DAPP1: variants seen among roughly 807,000 people sequenced by gnomAD.
DAPP1 encodes the protein dual adapter for phosphotyrosine and 3-phosphotyrosine and 3-phosphoinositide.
A neutral mutation model predicts 41.5 loss-of-function variants in DAPP1; 20 were observed. That is an observed-to-expected ratio of 0.48 (90% CI 0.34 to 0.70). DAPP1 has a LOEUF of 0.70. Ranked by LOEUF, DAPP1 falls within the 30% of genes least tolerant of loss-of-function variation. DAPP1 has a pLI of 0.01. For missense variants in DAPP1, 233 were observed against 333.4 expected (o/e 0.70, Z 2.35); for synonymous variants, 113 against 116.2 (o/e 0.97, Z 0.18).
intron 3 of DAPP1, among the ~76,000 whole-genome samples, chr4:99,844,946 A>G (rs1389167936): frequency 6.6e-6 from 1 of 152,278 alleles, no homozygotes; most frequent in African/African-American, 2.4e-5. Flanking sequence ...GTGACAACTT[A>G]GAATTTTTCC....
chr4:99,868,400 C>T lies in DAPP1; in HGVS notation c.*215C>T, dbSNP rs1314959389. 1.8e-6 allele frequency: 1 copy of T among 571,402 alleles called. No individual in the cohort carries two copies. Among genetic ancestry groups the T allele is most frequent in the Non-Finnish European group, 3.1e-6 (1 of 319,714 alleles). The allele number at this position is 571,402 out of a possible 1,614,324, so 35.4% of individuals were successfully genotyped here. A position where few individuals can be genotyped will look rare whatever the true frequency, so the allele number is the denominator to read the frequency against. On this transcript the variant is annotated 3_prime_UTR_variant, in exon 9 of 9. Coordinates refer to ENST00000512369, the MANE Select transcript of DAPP1 (RefSeq NM_014395.3). ...ATCTCCTTGAGAACACTGAAGCAATCACCATTCTGATAGAAAGTGCTTAAA... is the reference window on the plus strand; with the variant it reads ...ATCTCCTTGAGAACACTGAAGCAATTACCATTCTGATAGAAAGTGCTTAAA...
intron 8 of DAPP1, among the ~76,000 whole-genome samples, chr4:99,867,706 T>C (rs551551919): frequency 1.3e-5 from 2 of 152,378 alleles, no homozygotes; most frequent in South Asian, 4.1e-4. Flanking sequence ...AGCATCTTTA[T>C]TGATAATATA....
At chr4:99,871,204 G>A (rs1358872101), downstream of DAPP1, among the ~76,000 whole-genome samples, 3 of 152,114 alleles carry the variant, frequency 2.0e-5, no homozygotes, top group African/African-American at 7.2e-5. Context: ...ACTACTGTAA[G>A]GAGAAGGTCA....
chr4:99,869,178 A>T lies in DAPP1; in HGVS notation c.*993A>T, dbSNP rs1724562173. On this transcript the variant is annotated 3_prime_UTR_variant, in exon 9 of 9. Coordinates refer to ENST00000512369, the MANE Select transcript of DAPP1 (RefSeq NM_014395.3). The stretch of plus-strand genomic sequence containing the variant: ...TTGCTCCCTAAGCACCCTGGGCCTT[A>T]TTAAAGAGCAACTTCTATTTCCAGT... The T allele has an allele frequency of 6.6e-6, 1 of 152,206 alleles. No homozygotes were observed. The highest frequency in any genetic ancestry group is 2.4e-5 in the African/African-American group (1 of 41,456). The allele number at this position is 152,206 out of a possible 1,614,324, so 9.4% of individuals were successfully genotyped here. A position where few individuals can be genotyped will look rare whatever the true frequency, so the allele number is the denominator to read the frequency against.
At chr4:99,829,634 T>C (rs1723053799) in intron 1 of DAPP1, among the ~76,000 whole-genome samples, 1 of 152,244 alleles carries the variant, frequency 6.6e-6, no homozygotes, top group East Asian at 1.9e-4. Flanking sequence ...CAGAGACAAA[T>C]GCATGACCTC....
At chr4:99,817,153 A>C in intron 1 of DAPP1, 139 bp downstream of exon 1, 1 of 576,664 alleles carries the variant, frequency 1.7e-6, no homozygotes, top group Non-Finnish European at 3.0e-6. Flanking sequence ...TTTCCACTTT[A>C]TTCATTTGTA....
At chr4:99,847,197 A>T (rs1723694384) in intron 3 of DAPP1, among the ~76,000 whole-genome samples, 1 of 152,220 alleles carries the variant, frequency 6.6e-6, no homozygotes, top group Admixed American at 6.5e-5. Context: ...CTGATGAATA[A>T]GCACTGACCT....
intron 2 of DAPP1, among the ~76,000 whole-genome samples, chr4:99,837,433 T>C (rs1342211800): frequency 1.3e-5 from 2 of 151,944 alleles, no homozygotes; most frequent in Non-Finnish European, 2.9e-5. Flanking sequence ...TAAGTAGGGG[T>C]CACAGAGGAA....
At chr4:99,866,864 A>C (rs968092739) in intron 8 of DAPP1, among the ~76,000 whole-genome samples, 2 of 139,338 alleles carry the variant, frequency 1.4e-5, no homozygotes, top group Non-Finnish European at 1.5e-5. Flanking sequence ...CTGCCTCTTG[A>C]GTTCAAGTGA....
intron 3 of DAPP1, among the ~76,000 whole-genome samples, chr4:99,851,933 T>C (rs185515534): frequency 6.6e-6 from 1 of 152,194 alleles, no homozygotes; most frequent in Admixed American, 6.5e-5. Context: ...TTTCTCACTC[T>C]TACTCTAATT....
intron 4 of DAPP1, among the ~76,000 whole-genome samples, chr4:99,854,970 A>G (rs1961323): frequency 0.5 from 76,233 of 152,084 alleles, 19,839 homozygotes; most frequent in African/African-American, 0.65. Flanking sequence ...CATCTTACAT[A>G]TTCATTGCAG....
intron 1 of DAPP1, among the ~76,000 whole-genome samples, chr4:99,823,807 T>C (rs1386184909): frequency 6.6e-6 from 1 of 152,086 alleles, no homozygotes; most frequent in Non-Finnish European, 1.5e-5. Flanking sequence ...AGTTTTCAGA[T>C]TGGTGAGTAG....
chr4:99,850,891 A>G (rs1404953176), intron 3 of DAPP1, among the ~76,000 whole-genome samples: 10 of 152,206 alleles, frequency 6.6e-5, no homozygotes, highest in Non-Finnish European at 1.5e-4. Flanking sequence ...CTTCTGAAGG[A>G]AGCATAATTA....
At chr4:99,851,336 A>G (rs976969279) in intron 3 of DAPP1, among the ~76,000 whole-genome samples, 1 of 152,144 alleles carries the variant, frequency 6.6e-6, no homozygotes, top group Non-Finnish European at 1.5e-5. Context: ...AATGCCAATG[A>G]GAGACAGAAA....
intron 3 of DAPP1, among the ~76,000 whole-genome samples, chr4:99,846,182 C>T (rs1390858797): frequency 6.6e-6 from 1 of 152,170 alleles, no homozygotes; most frequent in Non-Finnish European, 1.5e-5. Context: ...CCTAAAGAAT[C>T]AATTTCTTCA....
intron 4 of DAPP1, among the ~76,000 whole-genome samples, chr4:99,858,675 C>T (rs757962658): frequency 1.9e-4 from 29 of 152,276 alleles, no homozygotes; most frequent in African/African-American, 4.8e-4. Context: ...TGTTACCAAA[C>T]GATGACTCTC....
At chr4:99,843,371 G>A (rs1444012928) in intron 3 of DAPP1, among the ~76,000 whole-genome samples, 1 of 152,124 alleles carries the variant, frequency 6.6e-6, no homozygotes, top group East Asian at 1.9e-4. Context: ...GTTGACCTAA[G>A]GGGATTAATG....
At chr4:99,824,774 T>C (rs1722883119) in intron 1 of DAPP1, among the ~76,000 whole-genome samples, 1 of 152,192 alleles carries the variant, frequency 6.6e-6, no homozygotes, top group South Asian at 2.1e-4. Flanking sequence ...CTGATTTTCA[T>C]TCCCTGCCTA....
intron 3 of DAPP1, among the ~76,000 whole-genome samples, chr4:99,847,284 G>C (rs1362192127): frequency 6.6e-6 from 1 of 152,150 alleles, no homozygotes; most frequent in Non-Finnish European, 1.5e-5. Flanking sequence ...CTCTATTTCA[G>C]ATACCAAACC....
Sources: allele counts gnomAD v4.1 joint callset (sites outside exome capture counted in the v4.1 genomes callset), GRCh38; gene constraint gnomAD v4.1.1; transcripts MANE v1.5; gene names NCBI Gene and HGNC (gene_info 2026-07-23, HGNC 2026-07-21).